ACTR3C: variants seen among roughly 807,000 people sequenced by gnomAD.
ACTR3C encodes the protein actin-related protein 3C.
ACTR3C carries 18 observed loss-of-function variants against 26.3 expected under a neutral mutation model. The observed-to-expected ratio is 0.68, with a 90% CI of 0.47 to 1.01. The LOEUF (loss-of-function observed/expected upper bound fraction) is 1.01, where lower values mean the gene tolerates loss of function less well. ACTR3C is among the 50% of genes least tolerant of loss of function. ACTR3C has a pLI of 0.00. For synonymous variants in ACTR3C, 55 were observed against 94.5 expected (o/e 0.58, Z 2.42); for missense variants, 184 against 250.7 (o/e 0.73, Z 1.80).
At chr7:149,997,618 C>T in the ACTR3C span, among the ~76,000 whole-genome samples, 19 of 151,288 alleles carry the variant, frequency 1.3e-4, no homozygotes, top group African/African-American at 4.6e-4. Context: ...CACATAAAGG[C>T]AGGATAATAG....
the ACTR3C span, among the ~76,000 whole-genome samples, chr7:150,163,742 C>T: frequency 6.6e-6 from 1 of 151,890 alleles, no homozygotes; most frequent in African/African-American, 2.4e-5. Flanking sequence ...GAGAAGATGA[C>T]GTGGAGCATC....
chr7:150,220,863 T>A, the ACTR3C span, among the ~76,000 whole-genome samples: 1 of 152,288 alleles, frequency 6.6e-6, no homozygotes, highest in African/African-American at 2.4e-5. Flanking sequence ...GCTGGAGCGG[T>A]CATCAGTGCG....
At chr7:149,921,277 C>T in the ACTR3C span, among the ~76,000 whole-genome samples, 1 of 152,202 alleles carries the variant, frequency 6.6e-6, no homozygotes, top group Non-Finnish European at 1.5e-5. Context: ...CTGGACTCTT[C>T]TCCCACAGCT....
the ACTR3C span, among the ~76,000 whole-genome samples, chr7:150,232,948 CAT>C: frequency 6.6e-6 from 1 of 152,144 alleles, no homozygotes; most frequent in Non-Finnish European, 1.5e-5. Context: ...CTTCACTAAT[CAT>C]ATGATACCAT....
chr7:150,111,728 C>T, the ACTR3C span, among the ~76,000 whole-genome samples: 3 of 133,974 alleles, frequency 2.2e-5, no homozygotes, highest in Non-Finnish European at 4.7e-5. Flanking sequence ...CCAGCAGCAC[C>T]TCGCGGGCGC....
chr7:150,039,719 T>G, the ACTR3C span, among the ~76,000 whole-genome samples: 4 of 137,554 alleles, frequency 2.9e-5, no homozygotes, highest in South Asian at 5.0e-4. Flanking sequence ...GGTCTGGCTC[T>G]CAGTCCCCAC....
the ACTR3C span, among the ~76,000 whole-genome samples, chr7:149,906,133 C>T: frequency 6.6e-6 from 1 of 151,950 alleles, no homozygotes; most frequent in Non-Finnish European, 1.5e-5. Flanking sequence ...TTTTTAAAGA[C>T]CAGGCAGAAA....
chr7:150,181,126 C>T, the ACTR3C span, among the ~76,000 whole-genome samples: 17 of 149,544 alleles, frequency 1.1e-4, no homozygotes, highest in East Asian at 1.4e-3. Flanking sequence ...CTATTAGTCA[C>T]GGTCTAAGTC....
the ACTR3C span, among the ~76,000 whole-genome samples, chr7:150,198,237 C>T: frequency 1.1e-4 from 17 of 149,048 alleles, no homozygotes; most frequent in Admixed American, 6.6e-5. Flanking sequence ...CCCAAAGTGC[C>T]GAGATTGCAG....
chr7:149,948,626 G>A, the ACTR3C span, among the ~76,000 whole-genome samples: 8 of 151,384 alleles, frequency 5.3e-5, no homozygotes, highest in Admixed American at 2.6e-4. Flanking sequence ...GTCCCTCACC[G>A]TCCCCGGGCA....
chr7:149,939,283 A>G, the ACTR3C span, among the ~76,000 whole-genome samples: 1 of 152,200 alleles, frequency 6.6e-6, no homozygotes, highest in African/African-American at 2.4e-5. Context: ...CCCGGCCCAA[A>G]TAAGTACAAA....
chr7:150,266,889 G>A (rs1308221959), intron 6 of ACTR3C, among the ~76,000 whole-genome samples: 6 of 152,180 alleles, frequency 3.9e-5, no homozygotes, highest in South Asian at 2.1e-4. Context: ...GGGTTAAGAC[G>A]AACAACTGCA....
the ACTR3C span, among the ~76,000 whole-genome samples, chr7:150,053,677 T>A: frequency 6.6e-6 from 1 of 152,220 alleles, no homozygotes; most frequent in Non-Finnish European, 1.5e-5. Flanking sequence ...GTCAGTCAAA[T>A]GCAACGTCTT....
the ACTR3C span, among the ~76,000 whole-genome samples, chr7:149,949,103 A>T: frequency 6.8e-6 from 1 of 146,724 alleles, no homozygotes; most frequent in Non-Finnish European, 1.5e-5. Context: ...ATCACCTGAA[A>T]TCAGGAGTTC....
chr7:149,997,776 T>A, the ACTR3C span, among the ~76,000 whole-genome samples: 5 of 150,136 alleles, frequency 3.3e-5, no homozygotes, highest in Admixed American at 1.3e-4. Context: ...GTCCACTGCA[T>A]CAGTATATTA....
At chr7:150,015,170 G>A in the ACTR3C span, among the ~76,000 whole-genome samples, 11 of 152,074 alleles carry the variant, frequency 7.2e-5, no homozygotes, top group Admixed American at 7.2e-4. Flanking sequence ...TGACTCTCTA[G>A]GGGGACTGGC....
rs865966439 is a variant in ACTR3C, at chr7:150,287,543, T to C, written c.298-1003A>G. Among the ~76,000 whole-genome samples, 50 of 152,204 alleles carry C rather than the reference T, an allele frequency of 3.3e-4. 1 individual carries two copies. The highest frequency in any genetic ancestry group is 7.2e-4 in the Admixed American group (11 of 15,280). On this transcript the variant is annotated intron_variant, in intron 4 of 7. Transcript: ENST00000683684. ...TAGCAGCAGGTGACCCCCAGATACT[T>C]GCTGCCTACAGGAAGCACGAGGTGG...
the ACTR3C span, among the ~76,000 whole-genome samples, chr7:150,204,014 T>C: frequency 6.7e-6 from 1 of 149,408 alleles, no homozygotes; most frequent in South Asian, 2.1e-4. Flanking sequence ...AACCTCCAAA[T>C]AGAGAGTGAG....
chr7:150,282,146 G>A (rs1465283541), intron 6 of ACTR3C, among the ~76,000 whole-genome samples: 2 of 142,610 alleles, frequency 1.4e-5, no homozygotes, highest in Admixed American at 6.7e-5. Flanking sequence ...TCACCCTCCC[G>A]CTTCCAGTGC....
Sources: gnomAD v4.1 joint callset for allele counts (sites outside exome capture counted in the v4.1 genomes callset) on GRCh38, gnomAD v4.1.1 for gene constraint, MANE v1.5 for transcripts, NCBI Gene and HGNC (gene_info 2026-07-23, HGNC 2026-07-21) for gene names.